STK3: variants seen among roughly 807,000 people sequenced by gnomAD.
The protein encoded by STK3 is serine/threonine kinase 3.
Under a neutral mutation model 58.0 loss-of-function variants are expected in STK3, and 41 were observed. That is an observed-to-expected ratio of 0.71 (90% confidence interval 0.55 to 0.92). STK3 has a LOEUF of 0.92. Among genes scored for constraint, STK3 ranks in the 40% least tolerant of loss-of-function variants. The pLI is 0.00. For synonymous variants in STK3, 170 were observed against 191.0 expected, an observed-to-expected ratio of 0.89 and a Z score of 0.91; for missense variants, 479 against 602.7, an observed-to-expected ratio of 0.79 and a Z score of 2.15.
rs112291569 is a variant in STK3, at chr8:98,407,492, C to T, written n.484-5979G>A. ...GTAAGTCAGCAGGCAGGTGTGAGAACCAGCTCGACTTGAAAGGCAAAGACT... is the reference window on the plus strand; with the variant it reads ...GTAAGTCAGCAGGCAGGTGTGAGAATCAGCTCGACTTGAAAGGCAAAGACT... On this transcript the variant is annotated intron_variant and non_coding_transcript_variant, in intron 3 of 3. Coordinates refer to the STK3 transcript ENST00000517832. 3.3e-3 allele frequency among the ~76,000 whole-genome samples: 505 copies of T among 152,304 alleles called. 5 individuals are homozygous for T. Among genetic ancestry groups the T allele is most frequent in the African/African-American group, 0.012 (483 of 41,546 alleles).
At chr8:98,725,560 T>C (rs1362479716) in intron 4 of STK3, among the ~76,000 whole-genome samples, 1 of 152,176 alleles carries the variant, frequency 6.6e-6, no homozygotes, top group Non-Finnish European at 1.5e-5. Flanking sequence ...TCCAAGGAAC[T>C]AACTTTCCAT....
At chr8:98,411,441 T>A (rs974262246) in intron 3 of STK3, among the ~76,000 whole-genome samples, 1 of 152,242 alleles carries the variant, frequency 6.6e-6, no homozygotes, top group Admixed American at 6.5e-5. Flanking sequence ...CGTCTCCTCA[T>A]TCAACCTAGC....
At chr8:98,566,723 G>A (rs933569509) in intron 8 of STK3, among the ~76,000 whole-genome samples, 1 of 152,140 alleles carries the variant, frequency 6.6e-6, no homozygotes, top group Non-Finnish European at 1.5e-5. Context: ...AGCTGCCAGA[G>A]AATACAGGTC....
chr8:98,825,963 G>A (rs1835275617), upstream of STK3, among the ~76,000 whole-genome samples: 1 of 149,402 alleles, frequency 6.7e-6, no homozygotes. Flanking sequence ...GCCGCGGCCT[G>A]GGTTGGCGGG....
At chr8:98,597,545 G>C (rs1815934954) in intron 6 of STK3, 1 of 985,200 alleles carries the variant, frequency 1.0e-6, no homozygotes, top group African/African-American at 1.7e-5. Flanking sequence ...ATAATTTAGA[G>C]GTATCAAAAC....
At chr8:98,366,909 T>TTA (rs1446575575), downstream of STK3, among the ~76,000 whole-genome samples, 3 of 152,354 alleles carry the variant, frequency 2.0e-5, no homozygotes, top group East Asian at 5.8e-4. Context: ...TACACATGCA[T>TTA]TATTCATTTG....
At chr8:98,904,935 T>G (rs1241919223) in intron 1 of STK3, 2 of 708,072 alleles carry the variant, frequency 2.8e-6, no homozygotes, top group Admixed American at 3.5e-5. Context: ...CTGCTCTGCC[T>G]AGTTACATGC....
chr8:98,713,628 ATAAT>A (rs1222165251), intron 4 of STK3, among the ~76,000 whole-genome samples: 2 of 152,200 alleles, frequency 1.3e-5, no homozygotes, highest in African/African-American at 4.8e-5. Flanking sequence ...AATTGAGGCA[ATAAT>A]TAATAGCTTA....
intron 1 of STK3, among the ~76,000 whole-genome samples, chr8:98,925,515 A>C (rs1342527619): frequency 2.6e-5 from 4 of 152,234 alleles, no homozygotes; most frequent in African/African-American, 7.2e-5. Context: ...GTTTTGAGGT[A>C]ATAGAGATGC....
At chr8:98,695,598 T>C (rs1035060765) in intron 6 of STK3, among the ~76,000 whole-genome samples, 1 of 152,332 alleles carries the variant, frequency 6.6e-6, no homozygotes, top group East Asian at 1.9e-4. Context: ...ATTTATTAAA[T>C]AGGGAATCCT....
chr8:98,624,306 C>G (rs570914741), intron 6 of STK3, among the ~76,000 whole-genome samples: 82 of 152,236 alleles, frequency 5.4e-4, no homozygotes, highest in Non-Finnish European at 9.3e-4. Flanking sequence ...GAGTGATAAC[C>G]TAGCTCTATC....
rs545740850 is a variant in STK3 at position 98,407,401 on chromosome 8, G to A, written n.484-5888C>T. Among the ~76,000 whole-genome samples, 4 of 152,304 alleles carry A rather than the reference G, an allele frequency of 2.6e-5. No homozygotes were observed. The South Asian group carries it at 6.2e-4, about 24-fold the overall frequency. On this transcript the variant is annotated intron_variant and non_coding_transcript_variant, in intron 3 of 3. Coordinates refer to the STK3 transcript ENST00000517832. Reference sequence around the variant, plus strand: ...CCAACCTGCGAGCAAAGGGAGCACTGGACAGGGAGGGAGTGAGGATACACC... The same window carrying A: ...CCAACCTGCGAGCAAAGGGAGCACTAGACAGGGAGGGAGTGAGGATACACC...
intron 10 of STK3, among the ~76,000 whole-genome samples, chr8:98,491,274 T>TA (rs1230483201): frequency 2.0e-5 from 3 of 152,154 alleles, no homozygotes; most frequent in African/African-American, 7.2e-5. Flanking sequence ...TTTGGTAGTA[T>TA]TTAAAAAAAT....
chr8:98,583,271 C>A (rs1814095573), intron 7 of STK3, among the ~76,000 whole-genome samples: 1 of 152,060 alleles, frequency 6.6e-6, no homozygotes, highest in Non-Finnish European at 1.5e-5. Flanking sequence ...TGTGTATCAT[C>A]ACATGTGTTA....
chr8:98,415,292 C>T (rs1290501441), intron 3 of STK3, among the ~76,000 whole-genome samples: 1 of 152,162 alleles, frequency 6.6e-6, no homozygotes, highest in African/African-American at 2.4e-5. Context: ...TATCCAGTCT[C>T]GGGTATTTTG....
At chr8:98,451,126 A>G (rs1485076818), downstream of STK3, among the ~76,000 whole-genome samples, 1 of 152,148 alleles carries the variant, frequency 6.6e-6, no homozygotes, top group Non-Finnish European at 1.5e-5. Context: ...AATTATTATT[A>G]TTGTTGTTAT....
At chr8:98,870,586 A>G (rs868020753) in intron 3 of STK3, among the ~76,000 whole-genome samples, 5 of 152,314 alleles carry the variant, frequency 3.3e-5, no homozygotes, top group Middle Eastern at 3.4e-3. Flanking sequence ...CATTTCTCTA[A>G]TGGCCAGTGA....
intron 7 of STK3, among the ~76,000 whole-genome samples, chr8:98,589,885 C>T (rs1375782133): frequency 6.6e-6 from 1 of 152,218 alleles, no homozygotes; most frequent in Non-Finnish European, 1.5e-5. Flanking sequence ...TCACTCCTTT[C>T]TTTGACTAGG....
At chr8:98,931,810 G>A (rs1840015467) in intron 1 of STK3, among the ~76,000 whole-genome samples, 1 of 152,168 alleles carries the variant, frequency 6.6e-6, no homozygotes, top group Admixed American at 6.5e-5. Flanking sequence ...CCCAACTGTG[G>A]TTAAGTATAC....
Sources: gnomAD v4.1 joint callset for allele counts (sites outside exome capture counted in the v4.1 genomes callset) on GRCh38, gnomAD v4.1.1 for gene constraint, MANE v1.5 for transcripts, NCBI Gene and HGNC (gene_info 2026-07-23, HGNC 2026-07-21) for gene names.